The following MAB21L3 variants were observed in gnomAD, a reference collection of about 807,000 sequenced individuals.
MAB21L3 encodes protein mab-21-like 3.
A neutral mutation model predicts 37.7 loss-of-function variants in MAB21L3; 36 were observed. That is an observed-to-expected ratio of 0.96 (90% CI 0.73 to 1.26). The LOEUF is 1.26. Ranked by LOEUF, MAB21L3 falls within the 50% of genes most tolerant of loss-of-function variation. The pLI, the probability that MAB21L3 is intolerant of heterozygous loss-of-function variation, is 0.00. For synonymous variants in MAB21L3, 186 were observed against 176.8 expected (o/e 1.05, Z -0.41); for missense variants, 430 against 447.3 (o/e 0.96, Z 0.35).
Position 116,133,712 on chromosome 1 carries a change from T to A in MAB21L3, c.*347T>A. ...ACAGTGAAGATGGAGACAGAACCCCTGGAAGTCTGGACATGAGCCTGCTGG... is the reference window on the plus strand; with the variant it reads ...ACAGTGAAGATGGAGACAGAACCCCAGGAAGTCTGGACATGAGCCTGCTGG... On this transcript the variant is annotated 3_prime_UTR_variant, in exon 8 of 8. Coordinates refer to ENST00000369500, the MANE Select transcript of MAB21L3 (RefSeq NM_152367.3). 1 of 349,716 alleles carries A rather than the reference T, an allele frequency of 2.9e-6. No homozygotes were observed. The highest frequency in any genetic ancestry group is 5.4e-6 in the Non-Finnish European group (1 of 186,394). The allele number at this position is 349,716 out of a possible 1,614,324, so 21.7% of individuals were successfully genotyped here.
At chr1:116,131,635 C>T (rs1032790161) in intron 7 of MAB21L3, among the ~76,000 whole-genome samples, 1 of 152,190 alleles carries the variant, frequency 6.6e-6, no homozygotes, top group African/African-American at 2.4e-5. Flanking sequence ...CTGCCTTAGC[C>T]TCCCAAGTAG....
chr1:116,126,700 A>G (rs988258919), intron 5 of MAB21L3, among the ~76,000 whole-genome samples: 2 of 152,224 alleles, frequency 1.3e-5, no homozygotes, highest in South Asian at 2.1e-4. Flanking sequence ...CTGAAAACCA[A>G]CATTTAGATA....
Position 116,124,243 on chromosome 1 carries a change from C to T in MAB21L3, c.367C>T (p.Leu123=), listed in dbSNP as rs758656208. The change falls in exon 5 of 8, where the codon CTG becomes TTG. Residue 123 remains leucine (L), a synonymous_variant. Coordinates refer to ENST00000369500, the MANE Select transcript of MAB21L3 (RefSeq NM_152367.3). The part of the protein sequence containing the change: ...WLEVEQFMKS[L]WQWHETDVNI... ...GGAGGTGGAACAGTTTATGAAGAGCCTGTGGCAGTGGCATGAGACAGATGT... is the reference window on the plus strand; with the variant it reads ...GGAGGTGGAACAGTTTATGAAGAGCTTGTGGCAGTGGCATGAGACAGATGT... The T allele has an allele frequency of 1.9e-6, 3 of 1,614,174 alleles. No individual in the cohort carries two copies. In the Admixed American group the frequency reaches 5.0e-5, roughly 27 times the overall value.
At chr1:116,117,157 A>G (rs922891363) in intron 3 of MAB21L3, among the ~76,000 whole-genome samples, 12 of 100,546 alleles carry the variant, frequency 1.2e-4, no homozygotes, top group African/African-American at 5.5e-4. Context: ...ATCAAAATAT[A>G]CATACATATA....
chr1:116,119,184 T>C (rs924179729), intron 3 of MAB21L3, among the ~76,000 whole-genome samples: 1 of 152,234 alleles, frequency 6.6e-6, no homozygotes, highest in Non-Finnish European at 1.5e-5. Flanking sequence ...TATTCTGTGC[T>C]TACATTTGTC....
intron 3 of MAB21L3, among the ~76,000 whole-genome samples, chr1:116,116,385 C>T (rs1659587572): frequency 6.6e-6 from 1 of 152,180 alleles, no homozygotes; most frequent in Non-Finnish European, 1.5e-5. Context: ...GGCTTCTGCT[C>T]AGGTCCCACA....
In MAB21L3 at chr1:116,127,474, A is replaced by G. The variant is rs1659940055; in HGVS notation, c.490A>G (p.Ser164Gly). The G allele has an allele frequency of 6.2e-7, 1 of 1,613,740 alleles. No individual in the cohort carries two copies. The highest frequency in any genetic ancestry group is 8.5e-7 in the Non-Finnish European group (1 of 1,179,792). Residue 164 changes from serine (S) to glycine (G), a missense_variant, in exon 6 of 8, where the codon AGC (serine) becomes GGC (glycine). Physicochemically the swap from Ser to Gly is moderately conservative, Grantham distance 56 (BLOSUM62 0). Coordinates refer to ENST00000369500, the MANE Select transcript of MAB21L3 (RefSeq NM_152367.3). ...TGGTCATTTCCCACCAGGTAAGGTC[A>G]GCCTGCTAGGAAACCGCTCTGCAGT... Reference protein sequence around the residue: ...VRTCHLSGKVSLLGNRSAVWV... With the variant: ...VRTCHLSGKVGLLGNRSAVWV...
At chr1:116,126,104 C>G (rs748864438) in intron 5 of MAB21L3, among the ~76,000 whole-genome samples, 1 of 152,202 alleles carries the variant, frequency 6.6e-6, no homozygotes, top group Non-Finnish European at 1.5e-5. Flanking sequence ...CCCTTTTGAA[C>G]AGCCTAACAC....
chr1:116,133,239 G>A lies in MAB21L3; in HGVS notation c.963G>A (p.Gln321=), dbSNP rs536152103. 3 of 1,614,210 alleles carry A rather than the reference G, an allele frequency of 1.9e-6. No homozygotes were observed. The highest frequency in any genetic ancestry group is 2.7e-5 in the African/African-American group (2 of 75,056). The change falls in exon 8 of 8, where the codon CAG becomes CAA. Residue 321 remains glutamine, a synonymous_variant. Coordinates refer to ENST00000369500, the MANE Select transcript of MAB21L3 (RefSeq NM_152367.3). ...GGAAACTGCACAAGTGCGTGAGCCA[G>A]CACTTCCTGAAACACTATTTCGTCC... ...LVRKLHKCVS[Q]HFLKHYFVRN...
intron 3 of MAB21L3, among the ~76,000 whole-genome samples, chr1:116,117,276 C>T (rs901613368): frequency 6.7e-6 from 1 of 150,372 alleles, no homozygotes; most frequent in African/African-American, 2.5e-5. Flanking sequence ...CTAGTCTTGG[C>T]CTTCAACACG....
chr1:116,116,591 T>C (rs1020379209), intron 3 of MAB21L3, among the ~76,000 whole-genome samples: 2 of 152,050 alleles, frequency 1.3e-5, no homozygotes, highest in African/African-American at 4.8e-5. Context: ...TACTTAAGGG[T>C]GTGGCAAAGT....
chr1:116,129,243 C>T (rs1570812959), intron 7 of MAB21L3, among the ~76,000 whole-genome samples: 1 of 149,792 alleles, frequency 6.7e-6, no homozygotes, highest in African/African-American at 2.5e-5. Context: ...AGTCAGGGGG[C>T]CTCCCTGGAG....
chr1:116,123,124 C>T (rs1030031262), intron 4 of MAB21L3, among the ~76,000 whole-genome samples: 1 of 152,282 alleles, frequency 6.6e-6, no homozygotes, highest in African/African-American at 2.4e-5. Flanking sequence ...GACTCACAGC[C>T]GAAGGCGTGC....
intron 5 of MAB21L3, among the ~76,000 whole-genome samples, chr1:116,125,713 T>A (rs1014038403): frequency 3.3e-5 from 5 of 152,196 alleles, no homozygotes; most frequent in Admixed American, 6.5e-5. Flanking sequence ...GTAGAATAAG[T>A]TTCATGGGTT....
At chr1:116,113,104 T>C (rs1659477679) in intron 3 of MAB21L3, among the ~76,000 whole-genome samples, 1 of 152,224 alleles carries the variant, frequency 6.6e-6, no homozygotes, top group Non-Finnish European at 1.5e-5. Flanking sequence ...ATTATTATAT[T>C]TTTAGTACAC....
rs1360805296 is a variant in MAB21L3 at position 116,133,420 on chromosome 1, C to A, written c.*55C>A. ...CATTTTATTCTGGCTTAACATTGTT[C>A]TTTGGATGGTTCCTCAGTCAGGTGC... On this transcript the variant is annotated 3_prime_UTR_variant, in exon 8 of 8. Transcript: ENST00000369500. 3.7e-5 allele frequency: 56 copies of A among 1,502,436 alleles called. No homozygotes were observed. Among genetic ancestry groups the A allele is most frequent in the Non-Finnish European group, 5.1e-5 (55 of 1,083,482 alleles). 93.1% of individuals were successfully genotyped at this position (1,502,436 alleles called of 1,614,324 possible).
chr1:116,124,964 A>C (rs1280958229), intron 5 of MAB21L3, among the ~76,000 whole-genome samples: 1 of 151,920 alleles, frequency 6.6e-6, no homozygotes, highest in Non-Finnish European at 1.5e-5. Flanking sequence ...GAAATGGCTA[A>C]TTTTCTTAAT....
intron 7 of MAB21L3, among the ~76,000 whole-genome samples, chr1:116,130,753 T>G (rs893257713): frequency 1.4e-4 from 21 of 152,264 alleles, no homozygotes; most frequent in African/African-American, 5.1e-4. Flanking sequence ...TTTTATTGCC[T>G]TATTTATTCC....
intron 3 of MAB21L3, among the ~76,000 whole-genome samples, chr1:116,114,511 T>C (rs535624960): frequency 7.2e-5 from 11 of 152,354 alleles, no homozygotes; most frequent in Non-Finnish European, 1.5e-4. Context: ...TTCAGCCTTG[T>C]CTTCTTTACT....
Sources: gnomAD v4.1 joint callset for allele counts (sites outside exome capture counted in the v4.1 genomes callset) on GRCh38, gnomAD v4.1.1 for gene constraint, MANE v1.5 for transcripts, NCBI Gene and HGNC (gene_info 2026-07-23, HGNC 2026-07-21) for gene names.